IGSF1: variants seen among roughly 807,000 people sequenced by gnomAD.
The protein encoded by IGSF1 is immunoglobulin superfamily member 1.
Under a neutral mutation model 95.3 loss-of-function variants are expected in IGSF1, and 40 were observed. The ratio of observed to expected loss-of-function variants is 0.42; its 90% CI spans 0.33 to 0.55. The LOEUF (loss-of-function observed/expected upper bound fraction) is 0.55, where lower values mean the gene tolerates loss of function less well. IGSF1 is among the 20% of genes least tolerant of loss of function. IGSF1 has a pLI of 0.10. For synonymous variants in IGSF1, 372 were observed against 382.9 expected, an observed-to-expected ratio of 0.97 and a Z score of 0.33; for missense variants, 906 against 1,025.4, an observed-to-expected ratio of 0.88 and a Z score of 1.59.
chrX:131,279,082 C>A (rs2080516870), intron 11 of IGSF1, 61 bp downstream of exon 11: 6 of 1,083,287 alleles, frequency 5.5e-6, no homozygotes, highest in Non-Finnish European at 7.7e-6. Flanking sequence ...GACACTGACG[C>A]TCTGTAGTTA....
rs1439882679 is a variant in IGSF1, at chrX:131,286,653, C to A, written c.22G>T (p.Glu8Ter). 2.5e-6 allele frequency: 3 copies of A among 1,198,684 alleles called. No homozygotes were observed. The African/African-American group carries it at 5.3e-5, about 21-fold the overall frequency. The change falls in exon 2 of 20, where the codon GAG becomes TAG. Residue 8 changes from glutamate (E) to a stop codon, truncating the protein, a stop_gained. Coordinates refer to ENST00000361420, the MANE Select transcript of IGSF1 (RefSeq NM_001555.5). LOFTEE classifies it high-confidence loss of function. Reference protein sequence around the residue: MTLDRPGEGATMLKTFTV... With the variant: MTLDRPG Reference sequence around the variant, plus strand: ...AATGTCTTCAGCATGGTGGCCCCCTCCCCTGGTCTGTCCAGGGTCATGGGG... The same window carrying A: ...AATGTCTTCAGCATGGTGGCCCCCTACCCTGGTCTGTCCAGGGTCATGGGG...
intron 11 of IGSF1, 147 bp from the exon 12 acceptor site, chrX:131,278,898 G>T: frequency 1.6e-6 from 1 of 614,877 alleles, no homozygotes; most frequent in Non-Finnish European, 2.6e-6. Context: ...CCTTCCTCAG[G>T]TGCTGGGGAA....
intron 5 of IGSF1, chrX:131,284,816 C>G (rs1267996468): frequency 1.1e-6 from 1 of 885,250 alleles, no homozygotes; most frequent in East Asian, 5.0e-5. Flanking sequence ...AAATTTAAAA[C>G]TCCATTTATA....
chrX:131,288,205 G>A (rs1402395831), intron 1 of IGSF1, among the ~76,000 whole-genome samples: 3 of 112,320 alleles, frequency 2.7e-5, no homozygotes, highest in African/African-American at 9.7e-5. Context: ...GAGTAATATC[G>A]ACCTAACATT....
In IGSF1 at chrX:131,275,682, G is replaced by T; in HGVS notation, c.2980C>A (p.Pro994Thr). 1 of 1,210,511 alleles carries T rather than the reference G, an allele frequency of 8.3e-7. No homozygotes were observed. Among genetic ancestry groups the T allele is most frequent in the Non-Finnish European group, 1.1e-6 (1 of 894,434 alleles). ...GQNVTLWCRG[P>T]VHGVGYILHK... ...AGAATGTATCCTACTCCATGGACCGGCCCTCGGCACCAGAGAGTAACATTC... is the reference window on the plus strand; with the variant it reads ...AGAATGTATCCTACTCCATGGACCGTCCCTCGGCACCAGAGAGTAACATTC... The change falls in exon 16 of 20, where the codon CCG becomes ACG. Residue 994 changes from proline to threonine, a missense_variant. This residue lies in a region of IGSF1 where 411 missense variants were observed against 494.9 expected (regional missense o/e 0.83). Transcript: ENST00000361420.
At position 131,278,495 on chromosome X, in the gene IGSF1, C is replaced by T. The variant is rs370213829; in HGVS notation, c.2007G>A (p.Ser669=). 5.5e-5 allele frequency: 66 copies of T among 1,205,193 alleles called. No individual in the cohort carries two copies. In the African/African-American group the frequency reaches 6.3e-4, roughly 12 times the overall value. The change falls in exon 12 of 20, where the codon TCG becomes TCA. Residue 669 remains serine (S), a synonymous_variant. Transcript: ENST00000361420. ...CCAGCTCAAGTGCCTCACTGGGCTC[C>T]GATACAGCCATCTCCTCCCATGAAT... is the stretch of plus-strand genomic sequence containing the variant. The part of the protein sequence containing the change: ...HCHSWEEMAV[S]EPSEALELVG...
At position 131,278,239 on chromosome X, in the gene IGSF1, G is replaced by A. The variant is rs143592738; in HGVS notation, c.2042-105C>T. 6.2e-5 allele frequency: 53 copies of A among 855,955 alleles called. 1 individual carries two copies. The African/African-American group carries it at 9.2e-4, about 15-fold the overall frequency. The allele number at this position is 855,955 out of a possible 1,213,427, so 70.5% of individuals were successfully genotyped here. ...AAATAAAGACATTCATTCTGGGCTGGCCCTAGGCTCTTCCAGTCAGTCTCC... is the reference window on the plus strand; with the variant it reads ...AAATAAAGACATTCATTCTGGGCTGACCCTAGGCTCTTCCAGTCAGTCTCC... On this transcript the variant is annotated intron_variant, in intron 12 of 19. Coordinates refer to ENST00000361420, the MANE Select transcript of IGSF1 (RefSeq NM_001555.5).
intron 18 of IGSF1, 50 bp downstream of exon 18, chrX:131,274,549 T>A: frequency 8.7e-7 from 1 of 1,155,929 alleles, no homozygotes. Context: ...GGACTGTCCC[T>A]GGGATCCCAG....
At chrX:131,280,215 G>A (rs771746575) in intron 9 of IGSF1, among the ~76,000 whole-genome samples, 7 of 110,131 alleles carry the variant, frequency 6.4e-5, no homozygotes, top group Admixed American at 1.9e-4. Context: ...GTCAGGTTCC[G>A]GAAAGAAGTA....
chrX:131,275,312 A>G (rs1226824436), intron 16 of IGSF1, 26 bp from the exon 17 acceptor site: 1 of 1,200,268 alleles, frequency 8.3e-7, no homozygotes, highest in Admixed American at 2.2e-5. Context: ...TCCTGGTCAA[A>G]GAGAAGAGGT....
chrX:131,281,274 A>G lies in IGSF1; in HGVS notation c.1590T>C (p.Val530=). ...TCCACAGCACTACCAACAGCAAGGC[A>G]ACAAGCTGCATGATTAGAGACAACC... The part of the protein sequence containing the change: ...AIRLSLIMQL[V]ALLLVVLWIR... Residue 530 remains valine (V), a synonymous_variant, in exon 9 of 20, where the codon GTT becomes GTC. Coordinates refer to ENST00000361420, the MANE Select transcript of IGSF1 (RefSeq NM_001555.5). The G allele has an allele frequency of 1.7e-6, 2 of 1,210,287 alleles. No homozygotes were observed. The highest frequency in any genetic ancestry group is 2.2e-6 in the Non-Finnish European group (2 of 894,141).
chrX:131,278,336 C>T, intron 12 of IGSF1, 125 bp downstream of exon 12: 1 of 717,200 alleles, frequency 1.4e-6, no homozygotes, highest in Non-Finnish European at 2.1e-6. Flanking sequence ...CCCTCCTCTC[C>T]TACATGCAGC....
rs764728624 is a variant in IGSF1, at chrX:131,275,003, C to T, written c.3468G>A (p.Val1156=). Reference sequence around the variant, plus strand: ...CTGAAGTCTCCAGGACCTTACCAGTCACCCAGATCTCCAGGGAGTCACTGT... The same window carrying T: ...CTGAAGTCTCCAGGACCTTACCAGTTACCCAGATCTCCAGGGAGTCACTGT... ...SNHSDSLEIW[V]TDKPPKPSLS... is the part of the protein sequence containing the mutation. Residue 1156 remains valine (V), a synonymous_variant, in exon 17 of 20, where the codon GTG becomes GTA. Transcript: ENST00000361420. 7 of 1,209,492 alleles carry T rather than the reference C, an allele frequency of 5.8e-6. No homozygotes were observed. In the African/African-American group the frequency reaches 1.2e-4, roughly 21 times the overall value.
At position 131,273,550 on chromosome X, in the gene IGSF1, C is replaced by T. The variant is rs1331770921; in HGVS notation, c.*246G>A. On this transcript the variant is annotated 3_prime_UTR_variant, in exon 20 of 20. Transcript: ENST00000361420. Reference sequence around the variant, plus strand: ...AATACTCTTTTTATTCAGAAGAATGCATTTTTAATAGAATTTCATGCGCCA... The same window carrying T: ...AATACTCTTTTTATTCAGAAGAATGTATTTTTAATAGAATTTCATGCGCCA... The T allele has an allele frequency of 3.2e-6, 1 of 314,290 alleles. No homozygotes were observed. Among genetic ancestry groups the T allele is most frequent in the African/African-American group, 2.7e-5 (1 of 37,226 alleles). 25.9% of individuals were successfully genotyped at this position (314,290 alleles called of 1,213,427 possible). A position where few individuals can be genotyped will look rare whatever the true frequency, so the allele number is the denominator to read the frequency against.
chrX:131,284,845 C>T, intron 5 of IGSF1: 2 of 878,284 alleles, frequency 2.3e-6, no homozygotes, highest in Non-Finnish European at 2.8e-6. Context: ...GTGGCAGTGC[C>T]TGGCACATAT....
Position 131,286,466 on chromosome X carries a change from G to GAAA in IGSF1, c.71-6_71-4dup. The stretch of plus-strand genomic sequence containing the variant: ...TGATGTCATACCCAGACTCATCCCT[G>GAAA]AAAAGAGAGATTATGGTAAAGGAGA... On this transcript the variant is annotated splice_polypyrimidine_tract_variant and splice_region_variant and intron_variant, in intron 2 of 19. Transcript: ENST00000361420. 1.7e-6 allele frequency: 2 copies of GAAA among 1,203,542 alleles called. No homozygotes were observed. The highest frequency in any genetic ancestry group is 2.3e-6 in the Non-Finnish European group (2 of 887,998).
At chrX:131,274,949 T>A (rs371861555) in intron 17 of IGSF1, 50 bp downstream of exon 17, 129 of 1,197,465 alleles carry the variant, frequency 1.1e-4, no homozygotes, top group Non-Finnish European at 1.4e-4. Flanking sequence ...TATTGCTTAC[T>A]GCTAAAAACT....
chrX:131,284,091 A>G, intron 5 of IGSF1: 1 of 710,292 alleles, frequency 1.4e-6, no homozygotes, highest in Middle Eastern at 8.2e-4. Flanking sequence ...CATGAGTACA[A>G]CAAACATTCA....
chrX:131,281,414 A>T, intron 8 of IGSF1, 76 bp from the exon 9 acceptor site: 4 of 1,125,446 alleles, frequency 3.6e-6, no homozygotes, highest in Non-Finnish European at 4.9e-6. Context: ...GGGTGAGGAC[A>T]ATCTGGTTAC....
Sources: gnomAD v4.1 joint callset for allele counts (sites outside exome capture counted in the v4.1 genomes callset) on GRCh38, gnomAD v4.1.1 for gene constraint, gnomAD v4.1.1 regional missense constraint, MANE v1.5 for transcripts, NCBI Gene and HGNC (gene_info 2026-07-23, HGNC 2026-07-21) for gene names.